SRBD1: variants seen among roughly 807,000 people sequenced by gnomAD.
SRBD1 encodes S1 RNA binding domain 1, also known as S1 RNA-binding domain-containing protein 1.
In SRBD1, 88 loss-of-function variants were observed where a neutral mutation model predicts 115.3. That is an observed-to-expected ratio of 0.76 (90% CI 0.64 to 0.91). The LOEUF (loss-of-function observed/expected upper bound fraction) is 0.91. SRBD1 is among the 40% of genes least tolerant of loss of function. The pLI is 0.00. For missense variants in SRBD1, 1,385 were observed against 1,177.4 expected, an observed-to-expected ratio of 1.18 and a Z score of -2.58; for synonymous variants, 509 against 407.7, an observed-to-expected ratio of 1.25 and a Z score of -2.99.
intron 16 of SRBD1, among the ~76,000 whole-genome samples, chr2:45,435,969 G>C (rs961010908): frequency 9.2e-5 from 14 of 152,032 alleles, no homozygotes; most frequent in Non-Finnish European, 1.6e-4. Context: ...GAAAATGACA[G>C]ATCAGTATTT....
intron 14 of SRBD1, among the ~76,000 whole-genome samples, chr2:45,502,664 C>T (rs1670671865): frequency 2.0e-5 from 3 of 150,142 alleles, no homozygotes; most frequent in Non-Finnish European, 4.4e-5. Flanking sequence ...GAGAACATCA[C>T]ACACCGGGGC....
intron 15 of SRBD1, among the ~76,000 whole-genome samples, chr2:45,486,210 T>A (rs1212320239): frequency 6.6e-6 from 1 of 152,228 alleles, no homozygotes; most frequent in African/African-American, 2.4e-5. Flanking sequence ...AGCAGTATCT[T>A]CAGCAGCGGG....
intron 16 of SRBD1, chr2:45,447,125 T>G (rs1250839577): frequency 6.6e-6 from 1 of 152,250 alleles, no homozygotes; most frequent in Non-Finnish European, 1.5e-5. Flanking sequence ...CTTTCTTCCT[T>G]TTCCCATCAC....
At chr2:45,428,072 T>A (rs760301338) in intron 16 of SRBD1, among the ~76,000 whole-genome samples, 1 of 152,188 alleles carries the variant, frequency 6.6e-6, no homozygotes, top group Non-Finnish European at 1.5e-5. Context: ...ACATCGCACT[T>A]ATTCTAAAAT....
rs1672373230 is a variant in SRBD1 at position 45,553,633 on chromosome 2, T to C, written c.1507A>G (p.Arg503Gly). 4 of 1,590,680 alleles carry C rather than the reference T, an allele frequency of 2.5e-6. No individual in the cohort carries two copies. The highest frequency in any genetic ancestry group is 3.7e-5 in the Admixed American group (2 of 54,722). ...AGACAAGATATATACCTGAATTCTC[T>C]ACAGAGAAGAGGATAAATAAGGCGT... ...FKRLIYPLLC[R>G]EFRAKLTSDA... Residue 503 changes from arginine (R) to glycine (G), a missense_variant, in exon 11 of 21, where the codon AGA (arginine) becomes GGA (glycine). Coordinates refer to ENST00000263736, the MANE Select transcript of SRBD1 (RefSeq NM_018079.5).
Position 45,551,202 on chromosome 2 carries a change from G to T in SRBD1, c.1598C>A (p.Pro533His). ...TCCCATTAAGGTGCGCCCTGGAACA[G>T]GGCTTGTTAAAAGGAGCTGACGAAG... ...RNLRQLLLTSPVPGRTLMGVD... is the reference protein window; with the variant it reads ...RNLRQLLLTSHVPGRTLMGVD... Residue 533 changes from proline to histidine, a missense_variant, in exon 12 of 21, where the codon CCT (proline) becomes CAT (histidine). Pro to His is a moderately conservative substitution (Grantham distance 77). Coordinates refer to ENST00000263736, the MANE Select transcript of SRBD1 (RefSeq NM_018079.5). The T allele has an allele frequency of 1.2e-6, 2 of 1,613,084 alleles. No homozygotes were observed. Among genetic ancestry groups the T allele is most frequent in the Non-Finnish European group, 1.7e-6 (2 of 1,179,822 alleles).
At chr2:45,548,834 A>C (rs898875970) in intron 12 of SRBD1, among the ~76,000 whole-genome samples, 1 of 152,202 alleles carries the variant, frequency 6.6e-6, no homozygotes, top group Admixed American at 6.5e-5. Flanking sequence ...CATAGATAAA[A>C]TATCCCCACA....
At chr2:45,589,187 G>C (rs187494058) in intron 4 of SRBD1, among the ~76,000 whole-genome samples, 1 of 152,144 alleles carries the variant, frequency 6.6e-6, no homozygotes, top group East Asian at 1.9e-4. Context: ...TTCTTCTTTT[G>C]TTTGAACTTA....
chr2:45,485,916 C>G (rs182020045), intron 15 of SRBD1, among the ~76,000 whole-genome samples: 150 of 152,196 alleles, frequency 9.9e-4, no homozygotes, highest in Middle Eastern at 3.4e-3. Context: ...ATATTTGACT[C>G]CAGGACCAGA....
intron 14 of SRBD1, among the ~76,000 whole-genome samples, chr2:45,522,202 GAC>G (rs1399092881): frequency 1.4e-5 from 2 of 147,772 alleles, no homozygotes; most frequent in East Asian, 3.9e-4. Context: ...TTTTTTTTTT[GAC>G]AGAGGGTCTC....
At chr2:45,527,212 T>A (rs1376815736) in intron 14 of SRBD1, among the ~76,000 whole-genome samples, 1 of 151,882 alleles carries the variant, frequency 6.6e-6, no homozygotes, top group Non-Finnish European at 1.5e-5. Context: ...AAGTTTTAAA[T>A]CAATTCAAAT....
chr2:45,510,522 A>G (rs1347877042), intron 14 of SRBD1, among the ~76,000 whole-genome samples: 2 of 152,208 alleles, frequency 1.3e-5, no homozygotes, highest in East Asian at 1.9e-4. Context: ...CTCCTATGAA[A>G]AAAACAGCCA....
At chr2:45,546,316 C>T in intron 14 of SRBD1, 2 of 985,408 alleles carry the variant, frequency 2.0e-6, no homozygotes, top group Non-Finnish European at 2.4e-6. Flanking sequence ...ATAATACTTA[C>T]CTTGGCTCTC....
intron 17 of SRBD1, 57 bp downstream of exon 17, chr2:45,419,731 A>G: frequency 1.3e-6 from 2 of 1,500,238 alleles, no homozygotes; most frequent in Non-Finnish European, 1.9e-6. Flanking sequence ...CCGAGTTTGG[A>G]CTGGACAGCC....
chr2:45,599,160 G>C (rs940808023), intron 4 of SRBD1, among the ~76,000 whole-genome samples: 1 of 152,160 alleles, frequency 6.6e-6, no homozygotes, highest in Non-Finnish European at 1.5e-5. Context: ...CAATGAACCT[G>C]TGGGGGCCCA....
intron 10 of SRBD1, among the ~76,000 whole-genome samples, chr2:45,558,133 T>C (rs1210253993): frequency 6.6e-6 from 1 of 152,068 alleles, no homozygotes; most frequent in East Asian, 1.9e-4. Flanking sequence ...AAAAATTAAC[T>C]TATCAAGTCA....
chr2:45,423,841 A>T (rs1668076382), intron 16 of SRBD1, among the ~76,000 whole-genome samples: 1 of 152,134 alleles, frequency 6.6e-6, no homozygotes, highest in Non-Finnish European at 1.5e-5. Flanking sequence ...AAGGATTGAC[A>T]TACACGACAT....
intron 14 of SRBD1, among the ~76,000 whole-genome samples, chr2:45,494,771 A>C (rs1670405306): frequency 6.6e-6 from 1 of 152,230 alleles, no homozygotes; most frequent in Admixed American, 6.5e-5. Flanking sequence ...TGTATGAAAA[A>C]GTACTAAGGG....
intron 14 of SRBD1, among the ~76,000 whole-genome samples, chr2:45,507,677 G>T (rs988852479): frequency 6.6e-6 from 1 of 151,826 alleles, no homozygotes; most frequent in African/African-American, 2.4e-5. Flanking sequence ...CTGAGATCGT[G>T]CCACTGTACT....
Sources: gnomAD v4.1 joint callset for allele counts (sites outside exome capture counted in the v4.1 genomes callset) on GRCh38, gnomAD v4.1.1 for gene constraint, MANE v1.5 for transcripts, NCBI Gene and HGNC (gene_info 2026-07-23, HGNC 2026-07-21) for gene names.